Variants in SUMF1 observed in about 807,000 individuals in gnomAD.
SUMF1 encodes sulfatase modifying factor 1.
A neutral mutation model predicts 47.6 loss-of-function variants in SUMF1; 48 were observed. That is an observed-to-expected ratio of 1.01 (90% CI 0.80 to 1.28). The LOEUF (loss-of-function observed/expected upper bound fraction) is 1.28, where lower values mean the gene tolerates loss of function less well. Ranked by LOEUF, SUMF1 falls within the 50% of genes most tolerant of loss-of-function variation. The probability of loss-of-function intolerance (pLI) is 0.00; values close to 1 mark genes in which losing one functional copy is unlikely to be tolerated. For missense variants in SUMF1, 571 were observed against 485.4 expected (o/e 1.18, Z -1.66); for synonymous variants, 230 against 192.1 (o/e 1.20, Z -1.63).
chr3:4,133,870 T>C (rs1379100519), intron 8 of SUMF1, among the ~76,000 whole-genome samples: 1 of 152,104 alleles, frequency 6.6e-6, no homozygotes, highest in Non-Finnish European at 1.5e-5. Context: ...AGGTGTCTAC[T>C]GCTAAAGTGG....
intron 1 of SUMF1, among the ~76,000 whole-genome samples, chr3:4,453,795 A>G (rs1409335263): frequency 1.3e-5 from 2 of 151,968 alleles, no homozygotes; most frequent in Admixed American, 6.6e-5. Flanking sequence ...CGGCCTCCCA[A>G]AGTGCTAGGA....
At chr3:4,144,380 T>C (rs1022879720) in intron 8 of SUMF1, among the ~76,000 whole-genome samples, 2 of 152,066 alleles carry the variant, frequency 1.3e-5, no homozygotes, top group Non-Finnish European at 2.9e-5. Flanking sequence ...TGAGATACTT[T>C]GGGAAGGTGG....
At chr3:4,267,187 T>C (rs551349078) in intron 8 of SUMF1, among the ~76,000 whole-genome samples, 1 of 152,234 alleles carries the variant, frequency 6.6e-6, no homozygotes, top group African/African-American at 2.4e-5. Flanking sequence ...TAAAATTCTC[T>C]TTTTTGGTTG....
chr3:4,285,441 G>C (rs558119929), intron 8 of SUMF1, among the ~76,000 whole-genome samples: 51 of 152,200 alleles, frequency 3.4e-4, no homozygotes, highest in Middle Eastern at 6.8e-3. Flanking sequence ...ACTCTCTAGA[G>C]TTTATGAATT....
At chr3:4,454,032 A>T (rs941786698) in intron 1 of SUMF1, among the ~76,000 whole-genome samples, 3 of 152,178 alleles carry the variant, frequency 2.0e-5, no homozygotes, top group African/African-American at 4.8e-5. Context: ...TTAAAAGCAC[A>T]TGTAAAAATG....
intron 8 of SUMF1, among the ~76,000 whole-genome samples, chr3:4,255,130 G>A (rs1358498011): frequency 6.6e-6 from 1 of 150,422 alleles, no homozygotes; most frequent in Non-Finnish European, 1.5e-5. Context: ...AACATGGAAA[G>A]GAACAATCGG....
At chr3:4,325,063 G>A (rs1233391693) in intron 8 of SUMF1, among the ~76,000 whole-genome samples, 2 of 152,114 alleles carry the variant, frequency 1.3e-5, no homozygotes, top group African/African-American at 4.8e-5. Context: ...CAGATCTCAT[G>A]AAACTTATTG....
chr3:4,173,568 A>C (rs897535767), intron 8 of SUMF1, among the ~76,000 whole-genome samples: 4 of 152,198 alleles, frequency 2.6e-5, no homozygotes, highest in African/African-American at 9.7e-5. Context: ...TGCTATAAAG[A>C]CATATGCATA....
At chr3:4,404,751 C>T (rs1033020584) in intron 7 of SUMF1, among the ~76,000 whole-genome samples, 15 of 152,064 alleles carry the variant, frequency 9.9e-5, no homozygotes, top group East Asian at 1.9e-4. Context: ...GCAACAAGAA[C>T]GAAACTCCGT....
intron 8 of SUMF1, among the ~76,000 whole-genome samples, chr3:4,300,085 G>C (rs1429271975): frequency 6.6e-6 from 1 of 152,136 alleles, no homozygotes; most frequent in Admixed American, 6.5e-5. Context: ...CTGGATCATG[G>C]GGGCGGGTTT....
intron 3 of SUMF1, among the ~76,000 whole-genome samples, chr3:4,446,393 C>T (rs890985926): frequency 6.6e-6 from 1 of 152,224 alleles, no homozygotes; most frequent in Non-Finnish European, 1.5e-5. Context: ...CCTCCTTCAC[C>T]TTCAGCCATG....
chr3:4,085,828 A>C (rs1247669069), intron 8 of SUMF1, among the ~76,000 whole-genome samples: 1 of 152,060 alleles, frequency 6.6e-6, no homozygotes, highest in Non-Finnish European at 1.5e-5. Flanking sequence ...TCTTGACATT[A>C]TACTATACAC....
At chr3:4,078,095 T>G (rs912937842) in intron 8 of SUMF1, among the ~76,000 whole-genome samples, 1 of 152,080 alleles carries the variant, frequency 6.6e-6, no homozygotes, top group Non-Finnish European at 1.5e-5. Flanking sequence ...CCTATGCTAA[T>G]AGCAGACACT....
chr3:4,264,788 T>C (rs989132217), intron 8 of SUMF1, among the ~76,000 whole-genome samples: 1 of 152,116 alleles, frequency 6.6e-6, no homozygotes, highest in African/African-American at 2.4e-5. Flanking sequence ...TCAGACATTG[T>C]TAACAGCAGC....
chr3:4,070,884 G>A (rs1695506278), intron 8 of SUMF1, among the ~76,000 whole-genome samples: 1 of 152,022 alleles, frequency 6.6e-6, no homozygotes, highest in East Asian at 1.9e-4. Flanking sequence ...ACCCACCTCG[G>A]CCTCCCAAAG....
At chr3:4,302,384 G>C (rs1489205434) in intron 8 of SUMF1, among the ~76,000 whole-genome samples, 1 of 152,178 alleles carries the variant, frequency 6.6e-6, no homozygotes, top group Non-Finnish European at 1.5e-5. Flanking sequence ...ATTATCTAAA[G>C]ACCTAAAATC....
At chr3:4,283,334 G>T (rs138636851) in intron 8 of SUMF1, among the ~76,000 whole-genome samples, 3 of 152,230 alleles carry the variant, frequency 2.0e-5, no homozygotes, top group East Asian at 3.9e-4. Context: ...AGAACTATAC[G>T]TTCAACTAGA....
intron 8 of SUMF1, among the ~76,000 whole-genome samples, chr3:4,112,169 C>G (rs1159598828): frequency 6.6e-6 from 1 of 152,018 alleles, no homozygotes; most frequent in East Asian, 1.9e-4. Context: ...TAAAGCAAAT[C>G]AGAATGCACT....
intron 7 of SUMF1, among the ~76,000 whole-genome samples, chr3:4,385,100 G>A (rs1700630572): frequency 6.6e-6 from 1 of 152,108 alleles, no homozygotes; most frequent in East Asian, 1.9e-4. Flanking sequence ...TAGCCAGGCT[G>A]GTCTCGAACT....
Sources: gnomAD v4.1 joint callset for allele counts (sites outside exome capture counted in the v4.1 genomes callset) on GRCh38, gnomAD v4.1.1 for gene constraint, MANE v1.5 for transcripts, NCBI Gene and HGNC (gene_info 2026-07-23, HGNC 2026-07-21) for gene names.